The following EHBP1 variants were observed in gnomAD, a reference collection of about 807,000 sequenced individuals.
The protein encoded by EHBP1 is EH domain-binding protein 1.
EHBP1 carries 55 observed loss-of-function variants against 144.0 expected under a neutral mutation model. That is an observed-to-expected ratio of 0.38 (90% CI 0.31 to 0.48). The LOEUF (loss-of-function observed/expected upper bound fraction) is 0.48, where lower values mean the gene tolerates loss of function less well. EHBP1 is among the 20% of genes least tolerant of loss of function. The pLI, the probability that EHBP1 is intolerant of heterozygous loss-of-function variation, is 0.98. For synonymous variants in EHBP1, 469 were observed against 472.7 expected (o/e 0.99, Z 0.10); for missense variants, 1,200 against 1,364.2 (o/e 0.88, Z 1.90).
At chr2:62,704,265 TTAG>T (rs2151769364), upstream of EHBP1, among the ~76,000 whole-genome samples, 1 of 152,332 alleles carries the variant, frequency 6.6e-6, no homozygotes, top group Non-Finnish European at 1.5e-5. Context: ...TCTTGTATTA[TTAG>T]ATCATTTTCT....
chr2:62,819,214 C>T (rs2045687381), intron 5 of EHBP1, among the ~76,000 whole-genome samples: 1 of 152,056 alleles, frequency 6.6e-6, no homozygotes, highest in South Asian at 2.1e-4. Context: ...TTGGAAAAAT[C>T]TATTAATTTA....
At chr2:62,782,104 C>A (rs1324279982) in intron 5 of EHBP1, among the ~76,000 whole-genome samples, 1 of 152,234 alleles carries the variant, frequency 6.6e-6, no homozygotes, top group Non-Finnish European at 1.5e-5. Context: ...TTTACTCACT[C>A]ACTCAATCAT....
chr2:62,833,503 T>A (rs1206795751), intron 7 of EHBP1, among the ~76,000 whole-genome samples: 3 of 152,212 alleles, frequency 2.0e-5, no homozygotes. Context: ...ACAAGTTAAC[T>A]CTCTTGTTAG....
At chr2:62,779,943 G>A (rs72888945) in intron 5 of EHBP1, among the ~76,000 whole-genome samples, 347 of 151,792 alleles carry the variant, frequency 2.3e-3, no homozygotes, top group African/African-American at 8.0e-3. Flanking sequence ...CTTTTCTGTT[G>A]TTTGCTTTAC....
At chr2:62,980,343 G>A (rs1470008116) in intron 15 of EHBP1, among the ~76,000 whole-genome samples, 2 of 152,140 alleles carry the variant, frequency 1.3e-5, no homozygotes, top group Non-Finnish European at 2.9e-5. Context: ...TGCCGCTGCT[G>A]ATCTGACAGG....
At position 62,827,726 on chromosome 2, in the gene EHBP1, G is replaced by A. The variant is rs571416132; in HGVS notation, c.494+1458G>A. Among the ~76,000 whole-genome samples the A allele has an allele frequency of 7.9e-5, 12 of 151,800 alleles. 2 individuals carry two copies. The South Asian group carries it at 2.5e-3, about 32-fold the overall frequency. Reference sequence around the variant, plus strand: ...TCTGTCACCCAGGCTGGAGTGCAGTGGCACGATCTCGGCTCACTGCAACCT... The same window carrying A: ...TCTGTCACCCAGGCTGGAGTGCAGTAGCACGATCTCGGCTCACTGCAACCT... On this transcript the variant is annotated intron_variant, in intron 6 of 22. Coordinates refer to ENST00000431489, the MANE Select transcript of EHBP1 (RefSeq NM_001142616.3).
intron 15 of EHBP1, among the ~76,000 whole-genome samples, chr2:62,984,410 C>T (rs2059104892): frequency 6.6e-6 from 1 of 152,180 alleles, no homozygotes; most frequent in South Asian, 2.1e-4. Flanking sequence ...TTCCTGCACA[C>T]ACAGTACATA....
chr2:62,981,804 C>T (rs2058984641), intron 15 of EHBP1, among the ~76,000 whole-genome samples: 1 of 152,120 alleles, frequency 6.6e-6, no homozygotes, highest in Non-Finnish European at 1.5e-5. Flanking sequence ...ACAAGGAAAG[C>T]CAGGTGAAAT....
chr2:62,686,265 A>G (rs1180768627), intron 1 of EHBP1, among the ~76,000 whole-genome samples: 2 of 152,236 alleles, frequency 1.3e-5, no homozygotes, highest in East Asian at 1.9e-4. Flanking sequence ...ATTGCAACCC[A>G]TAAATAATAT....
At chr2:62,960,259 C>T (rs1354675255) in intron 14 of EHBP1, among the ~76,000 whole-genome samples, 1 of 152,064 alleles carries the variant, frequency 6.6e-6, no homozygotes, top group Non-Finnish European at 1.5e-5. Context: ...TTTACAGCCT[C>T]ATTTCTTACC....
chr2:62,871,925 T>C (rs974318705), intron 9 of EHBP1: 2 of 152,194 alleles, frequency 1.3e-5, no homozygotes, highest in Non-Finnish European at 2.9e-5. Context: ...AAGCCAATAT[T>C]ATTTTTTCAG....
chr2:62,909,338 A>T (rs1336475813), intron 10 of EHBP1, among the ~76,000 whole-genome samples: 1 of 152,056 alleles, frequency 6.6e-6, no homozygotes, highest in Non-Finnish European at 1.5e-5. Context: ...GCATGCCACC[A>T]CGCCTGGTTA....
intron 15 of EHBP1, among the ~76,000 whole-genome samples, chr2:62,983,759 C>T (rs1409096812): frequency 6.6e-6 from 1 of 152,220 alleles, no homozygotes; most frequent in Non-Finnish European, 1.5e-5. Context: ...CCAGGCTGGT[C>T]TGGAATTCCT....
At chr2:63,005,625 G>A (rs919834548) in intron 19 of EHBP1, among the ~76,000 whole-genome samples, 1 of 151,922 alleles carries the variant, frequency 6.6e-6, no homozygotes, top group African/African-American at 2.4e-5. Flanking sequence ...AATTAACAAA[G>A]CCTATTTTCA....
chr2:62,921,221 G>A (rs1030487678), intron 10 of EHBP1, among the ~76,000 whole-genome samples: 21 of 152,118 alleles, frequency 1.4e-4, no homozygotes, highest in African/African-American at 4.6e-4. Flanking sequence ...TGAGGCGGGC[G>A]GATCACTTGA....
intron 3 of EHBP1, among the ~76,000 whole-genome samples, chr2:62,754,293 G>T (rs11687372): frequency 0.099 from 15,132 of 152,200 alleles, 1,030 homozygotes; most frequent in East Asian, 0.19. Context: ...ACCAGTGAAG[G>T]CTGCAGAACA....
At chr2:62,989,883 A>C (rs1468405352) in intron 15 of EHBP1, among the ~76,000 whole-genome samples, 2 of 152,182 alleles carry the variant, frequency 1.3e-5, no homozygotes, top group Non-Finnish European at 2.9e-5. Flanking sequence ...GATATTGTTT[A>C]AAAGAGAAGC....
chr2:62,969,490 G>T (rs2058397195), intron 14 of EHBP1, among the ~76,000 whole-genome samples: 2 of 152,064 alleles, frequency 1.3e-5, no homozygotes, highest in African/African-American at 4.8e-5. Flanking sequence ...AATTAAATAC[G>T]TTAGATGAAA....
chr2:62,796,936 T>C (rs1351498051), intron 5 of EHBP1, among the ~76,000 whole-genome samples: 1 of 151,980 alleles, frequency 6.6e-6, no homozygotes, highest in East Asian at 1.9e-4. Flanking sequence ...CACACACATA[T>C]ACACTGTTTT....
Sources: gnomAD v4.1 joint callset for allele counts (sites outside exome capture counted in the v4.1 genomes callset) on GRCh38, gnomAD v4.1.1 for gene constraint, MANE v1.5 for transcripts, NCBI Gene and HGNC (gene_info 2026-07-23, HGNC 2026-07-21) for gene names.